The following MKX variants were observed in gnomAD, a reference collection of about 807,000 sequenced individuals.
MKX encodes homeobox protein Mohawk.
In MKX, 13 loss-of-function variants were observed where a neutral mutation model predicts 36.0. The ratio of observed to expected loss-of-function variants is 0.36; its 90% CI spans 0.24 to 0.57. The LOEUF is 0.57. Ranked by LOEUF, MKX falls within the 20% of genes least tolerant of loss-of-function variation. MKX has a pLI of 0.79. For synonymous variants in MKX, 176 were observed against 178.3 expected (o/e 0.99, Z 0.10); for missense variants, 458 against 456.4 (o/e 1.00, Z -0.03).
intron 5 of MKX, among the ~76,000 whole-genome samples, chr10:27,724,484 G>A (rs576743805): frequency 2.6e-5 from 4 of 152,186 alleles, no homozygotes; most frequent in African/African-American, 9.6e-5. Flanking sequence ...CTCCTACTGG[G>A]CTTGGAAAAA....
chr10:27,711,445 T>TTTC (rs1465213631), intron 5 of MKX, among the ~76,000 whole-genome samples: 243 of 12,568 alleles, frequency 0.019, no homozygotes, highest in African/African-American at 0.065. Context: ...CTTTCTTTCT[T>TTTC]TCTTTCTTTC....
chr10:27,706,594 T>C (rs558292445), intron 5 of MKX, among the ~76,000 whole-genome samples: 1 of 151,364 alleles, frequency 6.6e-6, no homozygotes, highest in African/African-American at 2.4e-5. Context: ...ATAATAGCCA[T>C]CCTAGTGGGT....
At chr10:27,719,499 A>T (rs1250584523) in intron 5 of MKX, among the ~76,000 whole-genome samples, 1 of 152,166 alleles carries the variant, frequency 6.6e-6, no homozygotes, top group East Asian at 1.9e-4. Flanking sequence ...TAAATAGGTT[A>T]GGGGACCTGT....
At chr10:27,679,569 A>G (rs1224707555) in intron 5 of MKX, among the ~76,000 whole-genome samples, 1 of 152,240 alleles carries the variant, frequency 6.6e-6, no homozygotes, top group African/African-American at 2.4e-5. Context: ...TTCCCAGAAT[A>G]GCCAACCCGG....
chr10:27,704,314 C>G (rs1186918104), intron 5 of MKX, among the ~76,000 whole-genome samples: 1 of 152,004 alleles, frequency 6.6e-6, no homozygotes, highest in Admixed American at 6.6e-5. Flanking sequence ...GTAACAAAAG[C>G]ATTTTTTAAA....
chr10:27,734,542 G>A lies in MKX; in HGVS notation c.752C>T (p.Ser251Leu), dbSNP rs371518228. 5.5e-5 allele frequency: 88 copies of A among 1,614,048 alleles called. No homozygotes were observed. Among genetic ancestry groups the A allele is most frequent in the Non-Finnish European group, 6.9e-5 (81 of 1,180,026 alleles). ...AAATTCATTGGAGCTAAAAGATCCCGAGTGGTTTCTTTGCCTTGTTTTTCC... is the reference window on the plus strand; with the variant it reads ...AAATTCATTGGAGCTAAAAGATCCCAAGTGGTTTCTTTGCCTTGTTTTTCC... ...MMGKTRQRNHSGSFSSNEFEE... is the reference protein window; with the variant it reads ...MMGKTRQRNHLGSFSSNEFEE... Residue 251 changes from serine (S) to leucine (L), a missense_variant, in exon 5 of 7, where the codon TCG becomes TTG. Coordinates refer to ENST00000419761, the MANE Select transcript of MKX (RefSeq NM_173576.3).
intron 5 of MKX, among the ~76,000 whole-genome samples, chr10:27,697,262 C>T (rs903890048): frequency 4.6e-5 from 7 of 152,112 alleles, no homozygotes; most frequent in African/African-American, 1.7e-4. Context: ...TACAATGTAT[C>T]TGAAATTATT....
At chr10:27,681,312 G>A (rs549287591) in intron 5 of MKX, among the ~76,000 whole-genome samples, 4 of 152,208 alleles carry the variant, frequency 2.6e-5, no homozygotes, top group African/African-American at 7.2e-5. Flanking sequence ...AGCCAGGCGT[G>A]GTGGTGCATG....
intron 5 of MKX, among the ~76,000 whole-genome samples, chr10:27,714,166 C>T (rs1836922577): frequency 1.3e-5 from 2 of 152,100 alleles, no homozygotes; most frequent in African/African-American, 4.8e-5. Flanking sequence ...ACTACAACAT[C>T]CAGAAATTCA....
In MKX at chr10:27,743,288, A is replaced by T. The variant is rs771310883; in HGVS notation, c.128T>A (p.Val43Glu). 47 of 1,551,268 alleles carry T rather than the reference A, an allele frequency of 3.0e-5. No individual in the cohort carries two copies. The highest frequency in any genetic ancestry group is 3.9e-5 in the Non-Finnish European group (45 of 1,155,126). The change falls in exon 2 of 7, where the codon GTG becomes GAG. Residue 43 changes from valine (V) to glutamate (E), a missense_variant. Physicochemically the swap from Val to Glu is moderately radical, Grantham distance 121. This residue lies in a region of MKX where 149 missense variants were observed against 114.3 expected (regional missense o/e 1.30). Transcript: ENST00000419761. ...GAGGGGCGGGCCGTCGGGAATGCCC[A>T]CCTCGGGGCGGGCGTGAGGACTGTC... is the stretch of plus-strand genomic sequence containing the variant. Reference protein sequence around the residue: ...VLDSPHARPEVGIPDGPPLKD... With the variant: ...VLDSPHARPEEGIPDGPPLKD...
intron 5 of MKX, among the ~76,000 whole-genome samples, chr10:27,694,074 C>T (rs1264124195): frequency 2.0e-5 from 3 of 152,130 alleles, no homozygotes; most frequent in Non-Finnish European, 4.4e-5. Context: ...ATTGTGAGGC[C>T]TCTCCAGCCA....
At chr10:27,723,508 A>C (rs901617939) in intron 5 of MKX, among the ~76,000 whole-genome samples, 2 of 152,242 alleles carry the variant, frequency 1.3e-5, no homozygotes, top group African/African-American at 2.4e-5. Flanking sequence ...AAATTAGCAA[A>C]GGCTGTGTGG....
chr10:27,691,633 G>A (rs2637304), intron 5 of MKX, among the ~76,000 whole-genome samples: 122,167 of 152,086 alleles, frequency 0.8, 49,137 homozygotes, highest in Admixed American at 0.84. Flanking sequence ...CTGAGGTTTG[G>A]GGTATGAAGG....
At chr10:27,680,457 A>C (rs1376919185) in intron 5 of MKX, among the ~76,000 whole-genome samples, 1 of 151,994 alleles carries the variant, frequency 6.6e-6, no homozygotes, top group East Asian at 1.9e-4. Flanking sequence ...GGCTATCCTC[A>C]GTTTGGACAT....
chr10:27,674,080 C>G lies in MKX; in HGVS notation c.*1149G>C, dbSNP rs1836098451. 6.6e-6 allele frequency: 1 copy of G among 152,188 alleles called. No individual in the cohort carries two copies. The highest frequency in any genetic ancestry group is 1.5e-5 in the Non-Finnish European group (1 of 68,014). The allele number at this position is 152,188 out of a possible 1,614,324, so 9.4% of individuals were successfully genotyped here. On this transcript the variant is annotated 3_prime_UTR_variant, in exon 7 of 7. Coordinates refer to ENST00000419761, the MANE Select transcript of MKX (RefSeq NM_173576.3). Reference sequence around the variant, plus strand: ...TTTCTTGATATTGATTATTCTCACTCAATGGTAGACTAATTTAGAAACAAA... The same window carrying G: ...TTTCTTGATATTGATTATTCTCACTGAATGGTAGACTAATTTAGAAACAAA...
rs777627660 is a variant in MKX, at chr10:27,743,230, G to A, written c.186C>T (p.Thr62=). ...GGCCCCCAGGGGAGTGCGCATACCC[G>A]GTCCTCCGGTGTCTCAGGCCGAGGT... ...KDNLGLRHRR[T]GARQNGGKVR... Residue 62 remains threonine (T), a splice_region_variant and synonymous_variant, in exon 2 of 7, where the codon ACC becomes ACT. Coordinates refer to ENST00000419761, the MANE Select transcript of MKX (RefSeq NM_173576.3). 2 of 1,503,264 alleles carry A rather than the reference G, an allele frequency of 1.3e-6. No homozygotes were observed. The highest frequency in any genetic ancestry group is 1.8e-4 in the Middle Eastern group (1 of 5,612). The allele number at this position is 1,503,264 out of a possible 1,614,324, so 93.1% of individuals were successfully genotyped here. A position where few individuals can be genotyped will look rare whatever the true frequency, so the allele number is the denominator to read the frequency against.
chr10:27,722,504 A>G (rs992609141), intron 5 of MKX, among the ~76,000 whole-genome samples: 1 of 152,238 alleles, frequency 6.6e-6, no homozygotes, highest in African/African-American at 2.4e-5. Context: ...AAAGGAACGA[A>G]AGCCATGATT....
intron 5 of MKX, among the ~76,000 whole-genome samples, chr10:27,693,488 T>A (rs1836491468): frequency 1.3e-5 from 2 of 152,094 alleles, no homozygotes; most frequent in South Asian, 4.1e-4. Flanking sequence ...AAGAACTGAA[T>A]AATTACCAGG....
At chr10:27,726,690 C>T (rs1248729291) in intron 5 of MKX, among the ~76,000 whole-genome samples, 2 of 145,712 alleles carry the variant, frequency 1.4e-5, no homozygotes, top group South Asian at 2.2e-4. Flanking sequence ...TTAAACATTT[C>T]ATTGTTTTCA....
Sources: gnomAD v4.1 joint callset for allele counts (sites outside exome capture counted in the v4.1 genomes callset) on GRCh38, gnomAD v4.1.1 for gene constraint, gnomAD v4.1.1 regional missense constraint, MANE v1.5 for transcripts, NCBI Gene and HGNC (gene_info 2026-07-23, HGNC 2026-07-21) for gene names.